The following ZNF627 variants were observed in gnomAD, a reference collection of about 807,000 sequenced individuals.
The protein encoded by ZNF627 is zinc finger protein 627.
ZNF627 carries 12 observed loss-of-function variants against 10.6 expected under a neutral mutation model. The observed-to-expected ratio is 1.13, with a 90% confidence interval of 0.73 to 1.84. The LOEUF is 1.84. Among genes scored for constraint, ZNF627 ranks in the 40% most tolerant of loss-of-function variants. The pLI, the probability that ZNF627 is intolerant of heterozygous loss-of-function variation, is 0.00. For synonymous variants in ZNF627, 176 were observed against 187.1 expected, an observed-to-expected ratio of 0.94 and a Z score of 0.48; for missense variants, 504 against 568.4, an observed-to-expected ratio of 0.89 and a Z score of 1.15.
rs1973923382 is a variant in ZNF627 at position 11,618,808 on chromosome 19, T to G, written c.*919T>G. The G allele has an allele frequency of 1.3e-5, 2 of 152,244 alleles. No homozygotes were observed. 9.4% of individuals were successfully genotyped at this position (152,244 alleles called of 1,614,324 possible). On this transcript the variant is annotated 3_prime_UTR_variant, in exon 4 of 4. Transcript: ENST00000361113. ...TATGTATTTTTTATTCAAACAAGAC[T>G]TCTGTACATGTTTCTTCAAAACAGT...
intron 3 of ZNF627, among the ~76,000 whole-genome samples, chr19:11,615,716 CTTTTTT>C (rs773368615): frequency 7.6e-6 from 1 of 131,468 alleles, no homozygotes; most frequent in East Asian, 2.2e-4. Flanking sequence ...ATACGAATAT[CTTTTTT>C]TTTTTTTTTT....
At position 11,617,401 on chromosome 19, in the gene ZNF627, AC is replaced by A; in HGVS notation, c.899del (p.Thr300IlefsTer17). The A allele has an allele frequency of 6.2e-7, 1 of 1,613,960 alleles. No individual in the cohort carries two copies. The highest frequency in any genetic ancestry group is 8.5e-7 in the Non-Finnish European group (1 of 1,180,016). On this transcript the variant is annotated frameshift_variant, in exon 4 of 4. Coordinates refer to ENST00000361113, the MANE Select transcript of ZNF627 (RefSeq NM_145295.4). LOFTEE classifies it low-confidence loss of function (END_TRUNC). ...CAGTTCTGTTCGAAGTCACGAGAGG[AC>A]TCACACCGGAGAGAAACTTTTTGAA... ...CASSVRSHER[T>X]HTGEKLFECK... is the part of the protein sequence containing the mutation.
chr19:11,615,908 A>G (rs12980021), intron 3 of ZNF627, among the ~76,000 whole-genome samples: 11 of 148,976 alleles, frequency 7.4e-5, no homozygotes, highest in Admixed American at 3.4e-4. Flanking sequence ...TAGTAGAGAC[A>G]GGGTTTCACC....
intron 3 of ZNF627, among the ~76,000 whole-genome samples, chr19:11,615,219 TACAGGCCTGA>T (rs79429408): frequency 0.42 from 63,022 of 150,780 alleles, 13,451 homozygotes; most frequent in Admixed American, 0.47. Flanking sequence ...GTGCTGGGAT[TACAGGCCTGA>T]GCCACCATGC....
In ZNF627 at chr19:11,617,972, C is replaced by T. The variant is rs963801711; in HGVS notation, c.*83C>T. On this transcript the variant is annotated 3_prime_UTR_variant, in exon 4 of 4. Transcript: ENST00000361113. Reference sequence around the variant, plus strand: ...CAGTCCTTTCTGTTTCTTTCAACTACGTGAAAGGATTCACAGTGGAGAAAG... The same window carrying T: ...CAGTCCTTTCTGTTTCTTTCAACTATGTGAAAGGATTCACAGTGGAGAAAG... 1.4e-5 allele frequency: 17 copies of T among 1,216,028 alleles called. No individual in the cohort carries two copies. Among genetic ancestry groups the T allele is most frequent in the East Asian group, 2.4e-5 (1 of 41,064 alleles). The allele number at this position is 1,216,028 out of a possible 1,614,324, so 75.3% of individuals were successfully genotyped here.
rs4545929 is a variant in ZNF627, at chr19:11,616,688, T to C, written c.192-7T>C. On this transcript the variant is annotated splice_region_variant and splice_polypyrimidine_tract_variant and intron_variant, in intron 3 of 3. Coordinates refer to ENST00000361113, the MANE Select transcript of ZNF627 (RefSeq NM_145295.4). ...ATTAATAATGTACTTCTCATTTTTC[T>C]GACAAGTCATATTCCAGAGAGACTC... 0.46 allele frequency: 699,966 copies of C among 1,535,080 alleles called. 161,517 individuals carry two copies. Among genetic ancestry groups the C allele is most frequent in the Admixed American group, 0.49 (22,871 of 46,268 alleles).
At chr19:11,605,188 A>C (rs763908454) in intron 1 of ZNF627, among the ~76,000 whole-genome samples, 37 of 149,088 alleles carry the variant, frequency 2.5e-4, no homozygotes, top group Non-Finnish European at 4.1e-4. Flanking sequence ...GGTTCAAGCA[A>C]TTCTCTGCCT....
At chr19:11,616,610 T>G (rs1281825001) in intron 3 of ZNF627, 85 bp from the exon 4 acceptor site, 1 of 915,022 alleles carries the variant, frequency 1.1e-6, no homozygotes, top group African/African-American at 1.7e-5. Context: ...TAAAAACAAG[T>G]ATATGTAAGT....
chr19:11,612,170 G>GA (rs1973782399), intron 1 of ZNF627, among the ~76,000 whole-genome samples: 1 of 143,590 alleles, frequency 7.0e-6, no homozygotes, highest in African/African-American at 2.6e-5. Context: ...GCCCAGGCTG[G>GA]AGTGCAGTGG....
At chr19:11,613,478 G>A (rs1973813763) in intron 1 of ZNF627, among the ~76,000 whole-genome samples, 2 of 147,298 alleles carry the variant, frequency 1.4e-5, no homozygotes, top group African/African-American at 5.0e-5. Flanking sequence ...CCTATGACTG[G>A]ATCCCCTGGA....
At chr19:11,616,313 C>T (rs867094983) in intron 3 of ZNF627, among the ~76,000 whole-genome samples, 8 of 152,142 alleles carry the variant, frequency 5.3e-5, no homozygotes, top group Middle Eastern at 3.4e-3. Flanking sequence ...TCCAAAGTGC[C>T]GGGATTACAG....
intron 3 of ZNF627, among the ~76,000 whole-genome samples, chr19:11,616,337 C>T (rs1373827130): frequency 1.3e-5 from 2 of 152,164 alleles, no homozygotes; most frequent in South Asian, 2.1e-4. Flanking sequence ...TAAGCTACTG[C>T]GTCTGGCCAT....
intron 1 of ZNF627, among the ~76,000 whole-genome samples, chr19:11,602,005 CAAA>C (rs67176670): frequency 9.3e-5 from 5 of 53,782 alleles, no homozygotes; most frequent in African/African-American, 2.3e-4. Context: ...GACTCTGTCT[CAAA>C]AAAAAAAAAA....
chr19:11,613,633 G>A (rs1010844703), intron 1 of ZNF627, among the ~76,000 whole-genome samples: 1 of 152,086 alleles, frequency 6.6e-6, no homozygotes, highest in African/African-American at 2.4e-5. Flanking sequence ...TGGGATTACA[G>A]GCGTGAGCCA....
intron 1 of ZNF627, among the ~76,000 whole-genome samples, chr19:11,599,042 T>C (rs1973541139): frequency 6.6e-6 from 1 of 152,048 alleles, no homozygotes; most frequent in Non-Finnish European, 1.5e-5. Flanking sequence ...AAAAACAGTG[T>C]CTTTGGGTTG....
At chr19:11,611,215 A>G (rs1166599879) in intron 1 of ZNF627, among the ~76,000 whole-genome samples, 1 of 152,176 alleles carries the variant, frequency 6.6e-6, no homozygotes, top group Non-Finnish European at 1.5e-5. Context: ...ATTGTGAGTC[A>G]TAGGAGTTTT....
At position 11,617,141 on chromosome 19, in the gene ZNF627, A is replaced by C. The variant is rs1162303118; in HGVS notation, c.638A>C (p.His213Pro). 2.5e-6 allele frequency: 4 copies of C among 1,613,924 alleles called. No individual in the cohort carries two copies. Among genetic ancestry groups the C allele is most frequent in the Middle Eastern group, 1.6e-4 (1 of 6,084 alleles). Residue 213 changes from histidine to proline, a missense_variant, in exon 4 of 4, where the codon CAT (histidine) becomes CCT (proline). Physicochemically the swap from His to Pro is moderately conservative, Grantham distance 77. Transcript: ENST00000361113. ...AFDYPSLFRI[H>P]ERSHTGEKPY... ...GATTATCCCAGTTTATTTCGTATAC[A>C]TGAAAGAAGTCACACTGGAGAGAAA...
In ZNF627 at chr19:11,616,089, A is replaced by G. The variant is rs376624023; in HGVS notation, c.192-606A>G. On this transcript the variant is annotated intron_variant, in intron 3 of 3. Transcript: ENST00000361113. ...GTTTCGCTCTTGTTGCCCAGGCTGA[A>G]GTGCAATGGCATGATCTTGGCTCAC... 9.5e-5 allele frequency among the ~76,000 whole-genome samples: 14 copies of G among 147,036 alleles called. No individual in the cohort carries two copies. The East Asian group carries it at 2.2e-3, about 23-fold the overall frequency.
intron 1 of ZNF627, among the ~76,000 whole-genome samples, chr19:11,606,420 C>G (rs1353449028): frequency 6.6e-6 from 1 of 152,212 alleles, no homozygotes; most frequent in South Asian, 2.1e-4. Flanking sequence ...GGTGGGCTCC[C>G]TCAACCTTGG....
Sources: allele counts gnomAD v4.1 joint callset (sites outside exome capture counted in the v4.1 genomes callset), GRCh38; gene constraint gnomAD v4.1.1; transcripts MANE v1.5; gene names NCBI Gene and HGNC (gene_info 2026-07-23, HGNC 2026-07-21).